The following CLYBL variants were observed in gnomAD, a reference collection of about 807,000 sequenced individuals.
CLYBL encodes citramalyl-CoA lyase.
A neutral mutation model predicts 38.9 loss-of-function variants in CLYBL; 31 were observed. That is an observed-to-expected ratio of 0.80 (90% CI 0.60 to 1.08). The LOEUF (loss-of-function observed/expected upper bound fraction) is 1.08. CLYBL is among the 50% of genes least tolerant of loss of function. CLYBL has a pLI of 0.00. For missense variants in CLYBL, 434 were observed against 411.6 expected, an observed-to-expected ratio of 1.05 and a Z score of -0.47; for synonymous variants, 171 against 158.6, an observed-to-expected ratio of 1.08 and a Z score of -0.59.
chr13:99,639,295 T>C (rs926763134), intron 1 of CLYBL, among the ~76,000 whole-genome samples: 13 of 152,216 alleles, frequency 8.5e-5, no homozygotes, highest in Admixed American at 7.2e-4. Context: ...CGCAGCATGG[T>C]CATTAATGCC....
chr13:99,775,623 C>G (rs900754439), intron 2 of CLYBL, among the ~76,000 whole-genome samples: 2 of 152,090 alleles, frequency 1.3e-5, no homozygotes, highest in Non-Finnish European at 2.9e-5. Context: ...GTCCTCCCAC[C>G]TCAGCTTCCT....
At position 99,686,463 on chromosome 13, in the gene CLYBL, C is replaced by G. The variant is rs549938860; in HGVS notation, c.62+79706C>G. ...TCTGTTTCCACAGTCCTTTGAGAGA[C>G]ACTCTCGAGGCCAGGAGCTGGCCTC... On this transcript the variant is annotated intron_variant, in intron 1 of 8. Coordinates refer to ENST00000339105, the MANE Select transcript of CLYBL (RefSeq NM_206808.5). Among the ~76,000 whole-genome samples, 118 of 152,224 alleles carry G rather than the reference C, an allele frequency of 7.8e-4. 1 individual carries two copies. The highest frequency in any genetic ancestry group is 6.3e-3 in the Admixed American group (97 of 15,292).
chr13:99,715,796 C>T (rs1159276322), intron 1 of CLYBL, among the ~76,000 whole-genome samples: 2 of 152,134 alleles, frequency 1.3e-5, no homozygotes, highest in Non-Finnish European at 2.9e-5. Context: ...TCATGTTTCT[C>T]AGGTCCCGGG....
At chr13:99,901,961 G>C (rs1439624825), downstream of CLYBL, among the ~76,000 whole-genome samples, 1 of 152,156 alleles carries the variant, frequency 6.6e-6, no homozygotes, top group Non-Finnish European at 1.5e-5. Flanking sequence ...CTTTGATCAT[G>C]CTGTCTTAAT....
intron 8 of CLYBL, among the ~76,000 whole-genome samples, chr13:99,904,023 T>G (rs9585265): frequency 0.14 from 21,806 of 150,910 alleles, 1,812 homozygotes; most frequent in African/African-American, 0.21. Context: ...CCAGCCTGGA[T>G]GACAGAGTGA....
chr13:99,629,630 G>A (rs190465512), intron 1 of CLYBL, among the ~76,000 whole-genome samples: 1 of 152,184 alleles, frequency 6.6e-6, no homozygotes, highest in African/African-American at 2.4e-5. Flanking sequence ...GGCAGCTTGA[G>A]AGGCTTCCCA....
chr13:99,623,452 C>T (rs1176121057), intron 1 of CLYBL, among the ~76,000 whole-genome samples: 3 of 152,186 alleles, frequency 2.0e-5, no homozygotes, highest in East Asian at 1.9e-4. Context: ...GATCTTCTCC[C>T]TCCTACCTCT....
chr13:99,772,226 T>C (rs2049410898), intron 1 of CLYBL, among the ~76,000 whole-genome samples: 1 of 152,226 alleles, frequency 6.6e-6, no homozygotes, highest in African/African-American at 2.4e-5. Context: ...AGTATAACAA[T>C]ACTGGAAGTG....
intron 3 of CLYBL, among the ~76,000 whole-genome samples, chr13:99,859,738 A>C (rs904959335): frequency 6.6e-6 from 1 of 152,180 alleles, no homozygotes; most frequent in Non-Finnish European, 1.5e-5. Context: ...AATAGGCCTA[A>C]TTACACTATG....
Position 99,866,319 on chromosome 13 carries a change from C to A in CLYBL, c.714C>A (p.Leu238=). Residue 238 remains leucine (L), a synonymous_variant, in exon 6 of 9, where the codon CTC becomes CTA. Coordinates refer to ENST00000339105, the MANE Select transcript of CLYBL (RefSeq NM_206808.5). The part of the protein sequence containing the change: ...KIVVIAKAFG[L]QAIDLVYIDF... ...TTGTCATAGCGAAAGCCTTTGGTCTCCAAGCCATAGATCTGGTGTACATTG... is the reference window on the plus strand; with the variant it reads ...TTGTCATAGCGAAAGCCTTTGGTCTACAAGCCATAGATCTGGTGTACATTG... 6.2e-7 allele frequency: 1 copy of A among 1,614,128 alleles called. No homozygotes were observed. Among genetic ancestry groups the A allele is most frequent in the Non-Finnish European group, 8.5e-7 (1 of 1,180,022 alleles).
At chr13:99,907,724 T>C (rs2052711163) in intron 9 of CLYBL, among the ~76,000 whole-genome samples, 1 of 152,102 alleles carries the variant, frequency 6.6e-6, no homozygotes, top group Non-Finnish European at 1.5e-5. Flanking sequence ...CTGGGCATGG[T>C]AGTGCTTGCT....
intron 2 of CLYBL, among the ~76,000 whole-genome samples, chr13:99,830,807 C>G (rs1191778864): frequency 6.6e-6 from 1 of 152,188 alleles, no homozygotes; most frequent in Non-Finnish European, 1.5e-5. Context: ...TGCTTCCAGT[C>G]GTGGATTGCA....
intron 1 of CLYBL, among the ~76,000 whole-genome samples, chr13:99,642,448 C>T (rs577231646): frequency 1.1e-4 from 17 of 151,864 alleles, no homozygotes; most frequent in Admixed American, 1.1e-3. Context: ...AGGATCTTGC[C>T]CTGTTGCCCA....
Position 99,720,967 on chromosome 13 carries a change from A to G in CLYBL, c.63-51857A>G, listed in dbSNP as rs151169918. Among the ~76,000 whole-genome samples the G allele has an allele frequency of 4.0e-5, 6 of 150,594 alleles. No individual in the cohort carries two copies. In the East Asian group the frequency reaches 9.7e-4, roughly 24 times the overall value. On this transcript the variant is annotated intron_variant, in intron 1 of 8. Coordinates refer to ENST00000339105, the MANE Select transcript of CLYBL (RefSeq NM_206808.5). ...GTCTCATGTTCCCTCGTTTCTTAAC[A>G]TCTTCCATCTCCTACTTCTCTGTGC...
chr13:99,766,089 GT>G (rs1210566298), intron 1 of CLYBL, among the ~76,000 whole-genome samples: 3 of 152,064 alleles, frequency 2.0e-5, no homozygotes, highest in Non-Finnish European at 2.9e-5. Context: ...CTGCCTTCAA[GT>G]GATCCTCCTG....
Position 99,772,989 on chromosome 13 carries a change from T to A in CLYBL, c.228T>A (p.Asp76Glu). Residue 76 changes from aspartate (D) to glutamate (E), a missense_variant, in exon 2 of 9, where the codon GAT (aspartate) becomes GAA (glutamate). Physicochemically the swap from Asp to Glu is conservative, Grantham distance 45. Transcript: ENST00000339105. ...NVDCAVLDCE[D>E]GVAANKKNEA... is the part of the protein sequence containing the mutation. Reference sequence around the variant, plus strand: ...ATTGTGCAGTGCTCGACTGTGAGGATGGAGTGGCTGCAAACAAAAAGGTAA... The same window carrying A: ...ATTGTGCAGTGCTCGACTGTGAGGAAGGAGTGGCTGCAAACAAAAAGGTAA... 6.2e-7 allele frequency: 1 copy of A among 1,609,304 alleles called. No homozygotes were observed. The highest frequency in any genetic ancestry group is 8.5e-7 in the Non-Finnish European group (1 of 1,179,088).
intron 1 of CLYBL, among the ~76,000 whole-genome samples, chr13:99,721,214 T>C (rs1365196551): frequency 2.0e-5 from 3 of 151,702 alleles, no homozygotes; most frequent in Non-Finnish European, 2.9e-5. Flanking sequence ...TGGCTAATTT[T>C]CTGTATTTTT....
chr13:99,631,331 A>ATGTGTGTGTGTGTGTGTGTG (rs10643696), intron 1 of CLYBL, among the ~76,000 whole-genome samples: 3 of 145,190 alleles, frequency 2.1e-5, no homozygotes, highest in African/African-American at 7.6e-5. Context: ...CCAAATATTT[A>ATGTGTGTGTGTGTGTGTGTG]TGTGTGTGTG....
intron 1 of CLYBL, among the ~76,000 whole-genome samples, chr13:99,667,399 A>G (rs1298419549): frequency 6.6e-6 from 1 of 150,472 alleles, no homozygotes; most frequent in Non-Finnish European, 1.5e-5. Flanking sequence ...CATTATGGAA[A>G]GGATTGCAGT....
Sources: allele counts gnomAD v4.1 joint callset (sites outside exome capture counted in the v4.1 genomes callset), GRCh38; gene constraint gnomAD v4.1.1; transcripts MANE v1.5; gene names NCBI Gene and HGNC (gene_info 2026-07-23, HGNC 2026-07-21).